Variants in PACRG observed in about 807,000 individuals in gnomAD.
PACRG encodes parkin coregulated gene protein.
In PACRG, 29 loss-of-function variants were observed where a neutral mutation model predicts 29.7. The observed-to-expected ratio is 0.98, with a 90% CI of 0.73 to 1.33. The LOEUF is 1.33. PACRG is among the 40% of genes most tolerant of loss of function. The pLI is 0.00. For synonymous variants in PACRG, 116 were observed against 118.7 expected (o/e 0.98, Z 0.15); for missense variants, 279 against 316.2 (o/e 0.88, Z 0.89).
chr6:162,761,565 C>T (rs1295697423), intron 1 of PACRG, among the ~76,000 whole-genome samples: 2 of 152,022 alleles, frequency 1.3e-5, no homozygotes, highest in Non-Finnish European at 2.9e-5. Flanking sequence ...TGATAATATT[C>T]TAATCTTATA....
chr6:163,159,483 A>G (rs559518081), intron 4 of PACRG, among the ~76,000 whole-genome samples: 2 of 152,128 alleles, frequency 1.3e-5, no homozygotes, highest in East Asian at 3.9e-4. Context: ...TTAAAAACTG[A>G]TGCTGAATCT....
In PACRG at chr6:163,122,286, T is replaced by TACAC. The variant is rs57013650; in HGVS notation, c.613+32893_613+32896dup. ...CATCTTCATTCTGCTTTAACGCATTTACACACACACACACACACTTCCTTT... is the reference window on the plus strand; with the variant it reads ...CATCTTCATTCTGCTTTAACGCATTTACACACACACACACACACACACTTCCTTT... On this transcript the variant is annotated intron_variant, in intron 4 of 4. Transcript: ENST00000366888. 5.1e-3 allele frequency among the ~76,000 whole-genome samples: 778 copies of TACAC among 151,106 alleles called. 5 individuals are homozygous for TACAC. Among genetic ancestry groups the TACAC allele is most frequent in the African/African-American group, 0.017 (715 of 41,164 alleles).
chr6:163,217,214 C>T (rs760020924), intron 4 of PACRG, among the ~76,000 whole-genome samples: 15 of 152,160 alleles, frequency 9.9e-5, no homozygotes, highest in African/African-American at 2.9e-4. Context: ...GGGTGCAGCC[C>T]GATTGTTGTA....
At chr6:163,142,825 C>G (rs761696507) in intron 4 of PACRG, among the ~76,000 whole-genome samples, 2 of 152,184 alleles carry the variant, frequency 1.3e-5, no homozygotes, top group Non-Finnish European at 2.9e-5. Context: ...ACCCCAACTT[C>G]ATGATGAGAA....
chr6:163,201,634 A>G (rs1196635541), intron 4 of PACRG, among the ~76,000 whole-genome samples: 1 of 152,228 alleles, frequency 6.6e-6, no homozygotes, highest in Non-Finnish European at 1.5e-5. Flanking sequence ...GGGAGGCAGA[A>G]AGGAACAAGT....
intron 4 of PACRG, among the ~76,000 whole-genome samples, chr6:163,228,992 T>C (rs1781916013): frequency 1.3e-5 from 2 of 152,208 alleles, no homozygotes; most frequent in South Asian, 4.1e-4. Context: ...TAGAATCTCC[T>C]TCTGATGTTT....
chr6:162,861,606 C>G (rs1791867486), intron 2 of PACRG, among the ~76,000 whole-genome samples: 1 of 152,146 alleles, frequency 6.6e-6, no homozygotes, highest in African/African-American at 2.4e-5. Flanking sequence ...AGGAGCACCA[C>G]AGAGGGAACG....
At chr6:162,958,658 A>G (rs1323972734) in intron 2 of PACRG, among the ~76,000 whole-genome samples, 2 of 151,682 alleles carry the variant, frequency 1.3e-5, no homozygotes, top group African/African-American at 4.8e-5. Context: ...GCAGCAATCA[A>G]AACACTTAGG....
intron 2 of PACRG, among the ~76,000 whole-genome samples, chr6:162,950,868 C>T (rs73607810): frequency 2.0e-5 from 3 of 152,016 alleles, no homozygotes; most frequent in Non-Finnish European, 4.4e-5. Flanking sequence ...ACAAGATAAA[C>T]CAGTTGATGA....
At chr6:163,198,916 T>A (rs1313625310) in intron 4 of PACRG, among the ~76,000 whole-genome samples, 1 of 152,140 alleles carries the variant, frequency 6.6e-6, no homozygotes, top group African/African-American at 2.4e-5. Flanking sequence ...GCAGGACAAC[T>A]TGAAGCAAAG....
chr6:163,154,723 T>G (rs1778242313), intron 4 of PACRG, among the ~76,000 whole-genome samples: 1 of 152,210 alleles, frequency 6.6e-6, no homozygotes, highest in Non-Finnish European at 1.5e-5. Flanking sequence ...ATTTAAGACA[T>G]GCTTATACTA....
chr6:163,047,769 G>GTTT (rs1809550051), intron 2 of PACRG, among the ~76,000 whole-genome samples: 1 of 151,958 alleles, frequency 6.6e-6, no homozygotes, highest in Non-Finnish European at 1.5e-5. Context: ...GATTAATTTG[G>GTTT]GCAGAATCAT....
chr6:163,117,803 T>G (rs1585235897), intron 4 of PACRG, among the ~76,000 whole-genome samples: 1 of 151,428 alleles, frequency 6.6e-6, no homozygotes, highest in African/African-American at 2.4e-5. Flanking sequence ...GGTCACTATG[T>G]GGAGATTAGA....
intron 4 of PACRG, among the ~76,000 whole-genome samples, chr6:163,299,836 A>G (rs1218987676): frequency 1.3e-5 from 2 of 152,160 alleles, no homozygotes; most frequent in Non-Finnish European, 2.9e-5. Flanking sequence ...CTGAGATGGC[A>G]CCACTACACT....
At chr6:162,800,286 G>A (rs1785747314) in intron 1 of PACRG, among the ~76,000 whole-genome samples, 1 of 152,078 alleles carries the variant, frequency 6.6e-6, no homozygotes, top group Admixed American at 6.5e-5. Context: ...TGTTAAGAAA[G>A]GCTATTAACC....
intron 4 of PACRG, among the ~76,000 whole-genome samples, chr6:163,180,038 T>C (rs1389512695): frequency 6.6e-6 from 1 of 152,238 alleles, no homozygotes; most frequent in East Asian, 1.9e-4. Context: ...CTTGAAGTGG[T>C]CTTTCTGAAG....
At chr6:162,914,499 T>C (rs34640026) in intron 2 of PACRG, among the ~76,000 whole-genome samples, 1 of 130,868 alleles carries the variant, frequency 7.6e-6, no homozygotes, top group Non-Finnish European at 1.6e-5. Context: ...CAAAGTTTTG[T>C]ACTTTTTTGT....
At chr6:163,067,866 T>A (rs1012464749) in intron 3 of PACRG, among the ~76,000 whole-genome samples, 1 of 152,250 alleles carries the variant, frequency 6.6e-6, no homozygotes, top group Non-Finnish European at 1.5e-5. Context: ...TAATACAACT[T>A]GTTTTTCTCA....
chr6:162,928,367 T>C (rs976033568), intron 2 of PACRG, among the ~76,000 whole-genome samples: 7 of 152,190 alleles, frequency 4.6e-5, no homozygotes, highest in Admixed American at 1.3e-4. Context: ...TATGTCTCCT[T>C]TTTCATTTCT....
Sources: gnomAD v4.1 joint callset for allele counts (sites outside exome capture counted in the v4.1 genomes callset) on GRCh38, gnomAD v4.1.1 for gene constraint, MANE v1.5 for transcripts, NCBI Gene and HGNC (gene_info 2026-07-23, HGNC 2026-07-21) for gene names.